ANTXR2: variants seen among roughly 807,000 people sequenced by gnomAD.
ANTXR2 encodes ANTXR cell adhesion molecule 2.
ANTXR2 carries 44 observed loss-of-function variants against 73.7 expected under a neutral mutation model. That is an observed-to-expected ratio of 0.60 (90% CI 0.47 to 0.77). ANTXR2 has a LOEUF of 0.77. Ranked by LOEUF, ANTXR2 falls within the 30% of genes least tolerant of loss-of-function variation. ANTXR2 has a pLI of 0.00. For synonymous variants in ANTXR2, 217 were observed against 205.9 expected, an observed-to-expected ratio of 1.05 and a Z score of -0.46; for missense variants, 604 against 592.5, an observed-to-expected ratio of 1.02 and a Z score of -0.20.
At chr4:80,004,803 T>C (rs996986085) in intron 12 of ANTXR2, among the ~76,000 whole-genome samples, 2 of 152,218 alleles carry the variant, frequency 1.3e-5, no homozygotes, top group African/African-American at 4.8e-5. Context: ...TTATTCACTT[T>C]ATTGAAGGAG....
intron 3 of ANTXR2, among the ~76,000 whole-genome samples, chr4:80,068,753 C>G (rs1734639106): frequency 6.6e-6 from 1 of 152,108 alleles, no homozygotes; most frequent in South Asian, 2.1e-4. Flanking sequence ...GCCTGGGCAA[C>G]AGAGAGAGAC....
intron 12 of ANTXR2, among the ~76,000 whole-genome samples, chr4:80,001,666 A>T (rs1294050059): frequency 1.3e-5 from 2 of 150,150 alleles, no homozygotes; most frequent in Non-Finnish European, 3.0e-5. Context: ...GTCTCCCATT[A>T]TTATTGTGTG....
intron 12 of ANTXR2, among the ~76,000 whole-genome samples, chr4:80,001,299 G>A (rs1021313868): frequency 1.4e-5 from 2 of 146,990 alleles, no homozygotes; most frequent in South Asian, 2.3e-4. Flanking sequence ...TATATCTCCC[G>A]ATGCTATCCC....
chr4:80,031,239 T>A (rs1732675817), intron 10 of ANTXR2, among the ~76,000 whole-genome samples: 1 of 151,764 alleles, frequency 6.6e-6, no homozygotes, highest in Non-Finnish European at 1.5e-5. Context: ...TTATTGAAAA[T>A]CTCACTTTTG....
intron 3 of ANTXR2, among the ~76,000 whole-genome samples, chr4:80,060,951 G>A (rs570393857): frequency 5.3e-5 from 8 of 152,066 alleles, no homozygotes; most frequent in Admixed American, 3.9e-4. Context: ...GGCTAGAAGC[G>A]GAATGCCTTC....
At chr4:79,994,457 T>G (rs1712422999) in intron 12 of ANTXR2, among the ~76,000 whole-genome samples, 1 of 152,016 alleles carries the variant, frequency 6.6e-6, no homozygotes, top group Non-Finnish European at 1.5e-5. Context: ...TTCCACTAAG[T>G]CTGAGAATAA....
chr4:80,029,318 C>T (rs1732580092), intron 10 of ANTXR2, among the ~76,000 whole-genome samples: 1 of 150,682 alleles, frequency 6.6e-6, no homozygotes, highest in African/African-American at 2.4e-5. Flanking sequence ...TAACTAGTCA[C>T]TATTATTTGA....
chr4:80,006,055 C>A (rs1731286573), intron 12 of ANTXR2, among the ~76,000 whole-genome samples: 1 of 152,102 alleles, frequency 6.6e-6, no homozygotes, highest in Non-Finnish European at 1.5e-5. Context: ...CAAGAACTGT[C>A]AACATCTTAT....
intron 10 of ANTXR2, among the ~76,000 whole-genome samples, chr4:80,027,623 A>T: frequency 6.6e-6 from 1 of 152,190 alleles, no homozygotes; most frequent in East Asian, 1.9e-4. Flanking sequence ...TTGAAAGCAC[A>T]TTTAACTATA....
chr4:80,022,272 T>A (rs1396654300), intron 10 of ANTXR2, among the ~76,000 whole-genome samples: 1 of 152,216 alleles, frequency 6.6e-6, no homozygotes, highest in Non-Finnish European at 1.5e-5. Context: ...TATATTTACT[T>A]GTGAATATAT....
At chr4:79,907,522 A>G in intron 16 of ANTXR2, 55 bp from the exon 17 acceptor site, 6 of 1,532,430 alleles carry the variant, frequency 3.9e-6, no homozygotes, top group Non-Finnish European at 4.5e-6. Flanking sequence ...TTAAAAAAGC[A>G]TGAGAACATC....
chr4:79,976,710 T>C (rs1578123627), intron 16 of ANTXR2, among the ~76,000 whole-genome samples: 1 of 152,208 alleles, frequency 6.6e-6, no homozygotes, highest in East Asian at 1.9e-4. Context: ...CAAAAGTTGC[T>C]AACACCTCTG....
rs201197927 is a variant in ANTXR2 at position 80,055,306 on chromosome 4, GAC to G, written c.486+52_486+53del. The G allele has an allele frequency of 2.6e-3, 4,100 of 1,562,886 alleles. 51 individuals carry two copies. In the African/African-American group the frequency reaches 0.03, roughly 11 times the overall value. On this transcript the variant is annotated intron_variant, in intron 5 of 16. Coordinates refer to ENST00000403729, the MANE Select transcript of ANTXR2 (RefSeq NM_058172.6). Reference sequence around the variant, plus strand: ...TCAAATATCAAGCTATACATTCCGAGACACACAGCGATGTACAGTGGGGTGTA... The same window carrying G: ...TCAAATATCAAGCTATACATTCCGAGACACAGCGATGTACAGTGGGGTGTA...
intron 3 of ANTXR2, among the ~76,000 whole-genome samples, chr4:80,059,731 G>C (rs953714583): frequency 1.4e-4 from 22 of 151,994 alleles, no homozygotes; most frequent in African/African-American, 4.3e-4. Flanking sequence ...TTGCTGAGAA[G>C]GGCAGGGAAG....
Position 80,071,597 on chromosome 4 carries a change from C to T in ANTXR2, c.210G>A (p.Ala70=), listed in dbSNP as rs1279111610. 6 of 1,612,190 alleles carry T rather than the reference C, an allele frequency of 3.7e-6. No individual in the cohort carries two copies. Among genetic ancestry groups the T allele is most frequent in the South Asian group, 3.3e-5 (3 of 91,032 alleles). Residue 70 remains alanine (A), a synonymous_variant, in exon 2 of 17, where the codon GCG becomes GCA. Coordinates refer to ENST00000403729, the MANE Select transcript of ANTXR2 (RefSeq NM_058172.6). ...IEIYNFVQQL[A]ERFVSPEMRL... Reference sequence around the variant, plus strand: ...AAGAAAGATACCTCACAAATCTCTCCGCAAGTTGCTGTACGAAATTATAAA... The same window carrying T: ...AAGAAAGATACCTCACAAATCTCTCTGCAAGTTGCTGTACGAAATTATAAA...
intron 3 of ANTXR2, among the ~76,000 whole-genome samples, chr4:80,056,585 A>T (rs1285942687): frequency 6.6e-6 from 1 of 151,920 alleles, no homozygotes; most frequent in Non-Finnish European, 1.5e-5. Context: ...CATTCCCTTG[A>T]ACATAGTAGG....
intron 7 of ANTXR2, among the ~76,000 whole-genome samples, chr4:80,042,075 G>T (rs1180897686): frequency 6.6e-6 from 1 of 151,814 alleles, no homozygotes; most frequent in African/African-American, 2.4e-5. Flanking sequence ...TTATTATTAT[G>T]TTTCTTTCTT....
At chr4:79,978,954 C>T (rs955990989) in intron 14 of ANTXR2, among the ~76,000 whole-genome samples, 2 of 152,012 alleles carry the variant, frequency 1.3e-5, no homozygotes, top group African/African-American at 4.8e-5. Context: ...GCCTTTAGTT[C>T]CCAAGCTCAT....
At chr4:79,953,833 T>A (rs1728794724) in intron 16 of ANTXR2, among the ~76,000 whole-genome samples, 1 of 151,890 alleles carries the variant, frequency 6.6e-6, no homozygotes, top group South Asian at 2.1e-4. Context: ...CTAAGATACT[T>A]AATATTTATG....
Sources: gnomAD v4.1 joint callset for allele counts (sites outside exome capture counted in the v4.1 genomes callset) on GRCh38, gnomAD v4.1.1 for gene constraint, MANE v1.5 for transcripts, NCBI Gene and HGNC (gene_info 2026-07-23, HGNC 2026-07-21) for gene names.